The following CSMD1 variants were observed in gnomAD, a reference collection of about 807,000 sequenced individuals.
The protein encoded by CSMD1 is CUB and Sushi multiple domains 1.
Under a neutral mutation model 417.5 loss-of-function variants are expected in CSMD1, and 213 were observed. That is an observed-to-expected ratio of 0.51 (90% CI 0.46 to 0.57). The LOEUF is 0.57. Ranked by LOEUF, CSMD1 falls within the 20% of genes least tolerant of loss-of-function variation. The pLI is 0.00. For missense variants in CSMD1, 6,923 were observed against 4,529.7 expected (o/e 1.53, Z -15.17); for synonymous variants, 2,862 against 1,736.8 (o/e 1.65, Z -16.11).
intron 26 of CSMD1, among the ~76,000 whole-genome samples, chr8:3,244,668 G>A (rs994005082): frequency 6.6e-6 from 1 of 152,204 alleles, no homozygotes; most frequent in South Asian, 2.1e-4. Context: ...CCTTGAATGT[G>A]GCTGACAATC....
At chr8:4,278,949 A>G (rs1472834336) in intron 3 of CSMD1, among the ~76,000 whole-genome samples, 1 of 152,222 alleles carries the variant, frequency 6.6e-6, no homozygotes, top group African/African-American at 2.4e-5. Context: ...CCTTCCCTGT[A>G]TTAACATTAT....
intron 5 of CSMD1, among the ~76,000 whole-genome samples, chr8:3,812,027 T>C (rs1161853293): frequency 2.1e-5 from 3 of 142,364 alleles, no homozygotes; most frequent in East Asian, 3.9e-4. Flanking sequence ...TTCTTATGCT[T>C]AGTGAGAAAA....
At chr8:4,720,958 C>G (rs951041148) in intron 1 of CSMD1, among the ~76,000 whole-genome samples, 1 of 152,182 alleles carries the variant, frequency 6.6e-6, no homozygotes, top group East Asian at 1.9e-4. Context: ...CTTAAGCTTG[C>G]CCTGCCTACT....
At chr8:4,440,234 A>C (rs539582972) in intron 2 of CSMD1, among the ~76,000 whole-genome samples, 6 of 152,218 alleles carry the variant, frequency 3.9e-5, no homozygotes, top group Non-Finnish European at 4.4e-5. Flanking sequence ...CTATATGTGC[A>C]TGTGCACCTA....
chr8:4,824,860 A>T (rs553423747), intron 1 of CSMD1, among the ~76,000 whole-genome samples: 3 of 152,118 alleles, frequency 2.0e-5, no homozygotes, highest in African/African-American at 7.2e-5. Context: ...CTCCAAGTGA[A>T]ATGTCATTGT....
chr8:3,501,131 A>T (rs1796582375), intron 10 of CSMD1, among the ~76,000 whole-genome samples: 1 of 152,244 alleles, frequency 6.6e-6, no homozygotes, highest in Non-Finnish European at 1.5e-5. Flanking sequence ...TTCATTTGAT[A>T]TGGGTCCATT....
At chr8:3,521,216 C>G (rs1797495335) in intron 10 of CSMD1, among the ~76,000 whole-genome samples, 2 of 152,160 alleles carry the variant, frequency 1.3e-5, no homozygotes, top group African/African-American at 4.8e-5. Flanking sequence ...GCTTAAACAC[C>G]TTCCCTGGTT....
At chr8:3,299,464 A>G (rs142373497) in intron 25 of CSMD1, among the ~76,000 whole-genome samples, 2 of 152,098 alleles carry the variant, frequency 1.3e-5, no homozygotes, top group South Asian at 2.1e-4. Context: ...AAAAAAAAGG[A>G]ATGCAATGTG....
chr8:3,162,631 T>C (rs1188486538), intron 37 of CSMD1, among the ~76,000 whole-genome samples: 3 of 152,030 alleles, frequency 2.0e-5, no homozygotes, highest in Non-Finnish European at 2.9e-5. Context: ...CTCCAGGATA[T>C]TGCCCTCTTA....
chr8:3,687,165 C>A (rs76649806), intron 7 of CSMD1, among the ~76,000 whole-genome samples: 2 of 152,202 alleles, frequency 1.3e-5, no homozygotes, highest in African/African-American at 2.4e-5. Context: ...CACCTCTGAA[C>A]GCACCTCCGT....
intron 10 of CSMD1, among the ~76,000 whole-genome samples, chr8:3,571,860 C>T (rs1246902435): frequency 6.6e-6 from 1 of 152,128 alleles, no homozygotes; most frequent in African/African-American, 2.4e-5. Flanking sequence ...CTGCGTCTCA[C>T]GTCTCCTTCT....
At chr8:4,229,131 G>C (rs533187179) in intron 3 of CSMD1, among the ~76,000 whole-genome samples, 45 of 152,322 alleles carry the variant, frequency 3.0e-4, no homozygotes, top group South Asian at 1.2e-3. Flanking sequence ...CAGCTTGCTA[G>C]AGAATAACTC....
chr8:3,459,705 C>T (rs906029298), intron 12 of CSMD1, among the ~76,000 whole-genome samples: 10 of 152,112 alleles, frequency 6.6e-5, no homozygotes, highest in South Asian at 6.2e-4. Context: ...AATTGGGTTC[C>T]GAAAGGTCAT....
intron 50 of CSMD1, among the ~76,000 whole-genome samples, chr8:3,043,040 C>G (rs890049746): frequency 2.0e-5 from 3 of 150,054 alleles, no homozygotes; most frequent in Non-Finnish European, 4.4e-5. Flanking sequence ...TGACCTAGTA[C>G]TGTGGGATTA....
intron 3 of CSMD1, among the ~76,000 whole-genome samples, chr8:4,247,318 T>C (rs1309875499): frequency 6.6e-6 from 1 of 152,142 alleles, no homozygotes; most frequent in Non-Finnish European, 1.5e-5. Context: ...TCTACCACAC[T>C]GCCCTGTCAT....
At position 3,903,509 on chromosome 8, in the gene CSMD1, C is replaced by G. The variant is rs1476454525; in HGVS notation, c.818+94394G>C. Among the ~76,000 whole-genome samples, 7 of 152,146 alleles carry G rather than the reference C, an allele frequency of 4.6e-5. No homozygotes were observed. In the East Asian group the frequency reaches 1.3e-3, roughly 29 times the overall value. On this transcript the variant is annotated intron_variant, in intron 5 of 69. Coordinates refer to ENST00000635120, the MANE Select transcript of CSMD1 (RefSeq NM_033225.6). ...ATCGACAGCAGAGAAGTGTGCTTCT[C>G]ATATACAGATACAGTAATTGCCGGC...
intron 1 of CSMD1, among the ~76,000 whole-genome samples, chr8:4,811,374 A>G (rs943154847): frequency 6.6e-6 from 1 of 152,020 alleles, no homozygotes; most frequent in Non-Finnish European, 1.5e-5. Flanking sequence ...TGTATTTTTA[A>G]CCATTAAAAT....
chr8:3,313,557 A>G (rs76649534), intron 23 of CSMD1, among the ~76,000 whole-genome samples: 11 of 152,350 alleles, frequency 7.2e-5, no homozygotes, highest in Middle Eastern at 3.4e-3. Flanking sequence ...CAAAACCACA[A>G]TAAGATACTA....
chr8:4,881,723 C>T (rs768236292), intron 1 of CSMD1, among the ~76,000 whole-genome samples: 3 of 151,960 alleles, frequency 2.0e-5, no homozygotes, highest in Admixed American at 6.5e-5. Context: ...GAATAAAAAG[C>T]ATGCAGCAGT....
Sources: gnomAD v4.1 joint callset for allele counts (sites outside exome capture counted in the v4.1 genomes callset) on GRCh38, gnomAD v4.1.1 for gene constraint, MANE v1.5 for transcripts, NCBI Gene and HGNC (gene_info 2026-07-23, HGNC 2026-07-21) for gene names.